The following SORCS1 variants were observed in gnomAD, a reference collection of about 807,000 sequenced individuals.
SORCS1 encodes VPS10 domain-containing receptor SorCS1.
In SORCS1, 60 loss-of-function variants were observed where a neutral mutation model predicts 146.1. That is an observed-to-expected ratio of 0.41 (90% CI 0.33 to 0.51). The LOEUF (loss-of-function observed/expected upper bound fraction) is 0.51. Among genes scored for constraint, SORCS1 ranks in the 20% least tolerant of loss-of-function variants. The probability of loss-of-function intolerance (pLI) is 0.21; values close to 1 mark genes in which losing one functional copy is unlikely to be tolerated. For synonymous variants in SORCS1, 637 were observed against 584.0 expected (o/e 1.09, Z -1.31); for missense variants, 1,352 against 1,487.6 (o/e 0.91, Z 1.50).
intron 1 of SORCS1, among the ~76,000 whole-genome samples, chr10:107,155,562 C>T (rs1969209375): frequency 6.6e-6 from 1 of 152,170 alleles, no homozygotes. Context: ...TGATAAATTT[C>T]TAAACCAGGG....
chr10:107,121,410 T>A (rs900549064), intron 1 of SORCS1, among the ~76,000 whole-genome samples: 4 of 152,168 alleles, frequency 2.6e-5, no homozygotes, highest in Non-Finnish European at 5.9e-5. Context: ...CTGCTCTCAA[T>A]CAAAGACTTG....
chr10:107,109,580 A>G (rs1038909352), intron 1 of SORCS1, among the ~76,000 whole-genome samples: 3 of 152,200 alleles, frequency 2.0e-5, no homozygotes, highest in African/African-American at 7.2e-5. Flanking sequence ...CTTTCCACTT[A>G]GACCTCTGGG....
At chr10:106,953,637 G>T (rs76650964) in intron 2 of SORCS1, among the ~76,000 whole-genome samples, 1 of 152,042 alleles carries the variant, frequency 6.6e-6, no homozygotes. Flanking sequence ...CACAAACCTC[G>T]AAGGTATAGC....
At chr10:106,817,501 A>G (rs1485889819) in intron 3 of SORCS1, among the ~76,000 whole-genome samples, 1 of 152,090 alleles carries the variant, frequency 6.6e-6, no homozygotes, top group Non-Finnish European at 1.5e-5. Flanking sequence ...ATCTTTCCCA[A>G]TATTCACCCA....
At chr10:106,706,256 GAGAA>G (rs1204142827) in intron 8 of SORCS1, among the ~76,000 whole-genome samples, 1 of 143,990 alleles carries the variant, frequency 6.9e-6, no homozygotes, top group East Asian at 2.0e-4. Context: ...GAAAGAAAAA[GAGAA>G]AGAGAAAAAA....
chr10:106,723,011 C>T (rs1318588830), intron 6 of SORCS1, among the ~76,000 whole-genome samples: 1 of 152,096 alleles, frequency 6.6e-6, no homozygotes, highest in African/African-American at 2.4e-5. Context: ...AACAGTGACA[C>T]ATTAATATAT....
intron 1 of SORCS1, among the ~76,000 whole-genome samples, chr10:107,142,609 G>A (rs192152164): frequency 6.6e-6 from 1 of 152,242 alleles, no homozygotes; most frequent in Admixed American, 6.5e-5. Flanking sequence ...ATATTAAAAT[G>A]TCTTAGTATG....
the SORCS1 span, among the ~76,000 whole-genome samples, chr10:107,179,509 G>A: frequency 2.6e-5 from 4 of 152,086 alleles, no homozygotes; most frequent in African/African-American, 9.7e-5. Context: ...TTTTTACTCT[G>A]CATGATTCTA....
chr10:106,705,105 A>G (rs536956785), intron 8 of SORCS1, among the ~76,000 whole-genome samples: 1 of 152,330 alleles, frequency 6.6e-6, no homozygotes, highest in South Asian at 2.1e-4. Context: ...CTGGAGAAAA[A>G]AAAAACAAAC....
At chr10:106,999,744 C>A (rs1227008702) in intron 1 of SORCS1, among the ~76,000 whole-genome samples, 3 of 152,186 alleles carry the variant, frequency 2.0e-5, no homozygotes, top group Non-Finnish European at 2.9e-5. Flanking sequence ...CTCCTTAATT[C>A]AGGTTTTACA....
At chr10:106,828,102 G>A (rs1329182413) in intron 3 of SORCS1, among the ~76,000 whole-genome samples, 1 of 152,178 alleles carries the variant, frequency 6.6e-6, no homozygotes, top group Non-Finnish European at 1.5e-5. Context: ...CACGAGGTAG[G>A]TAGGTACTGT....
intron 18 of SORCS1, among the ~76,000 whole-genome samples, chr10:106,637,978 G>A (rs1282653059): frequency 2.0e-5 from 3 of 152,148 alleles, no homozygotes; most frequent in South Asian, 2.1e-4. Context: ...CATAAGACAG[G>A]AGGAATACTT....
intron 10 of SORCS1, among the ~76,000 whole-genome samples, 198 bp downstream of exon 10, chr10:106,687,994 G>T (rs1852988887): frequency 6.6e-6 from 1 of 152,168 alleles, no homozygotes; most frequent in African/African-American, 2.4e-5. Context: ...CAAGAAATAT[G>T]CCCATGTTCT....
chr10:106,582,706 T>C (rs1274568473), intron 24 of SORCS1, among the ~76,000 whole-genome samples: 1 of 152,080 alleles, frequency 6.6e-6, no homozygotes, highest in Non-Finnish European at 1.5e-5. Context: ...TTTGCCATTA[T>C]TCATGCACAA....
At chr10:106,873,783 G>C (rs921436758) in intron 2 of SORCS1, among the ~76,000 whole-genome samples, 3 of 152,072 alleles carry the variant, frequency 2.0e-5, no homozygotes, top group Non-Finnish European at 4.4e-5. Flanking sequence ...CCTTCACCTC[G>C]AGGCCTTTGT....
At chr10:106,742,379 T>A (rs1857424188) in intron 5 of SORCS1, among the ~76,000 whole-genome samples, 1 of 141,870 alleles carries the variant, frequency 7.0e-6, no homozygotes, top group South Asian at 2.3e-4. Flanking sequence ...AGAAGATAAT[T>A]TTACACAATT....
At chr10:106,766,369 T>C (rs1401879301) in intron 4 of SORCS1, among the ~76,000 whole-genome samples, 1 of 152,222 alleles carries the variant, frequency 6.6e-6, no homozygotes, top group Non-Finnish European at 1.5e-5. Flanking sequence ...TCCTCCATCC[T>C]TTTTTAGCAA....
chr10:106,575,243 C>T lies in SORCS1; in HGVS notation c.*2177G>A, dbSNP rs1844527091. 6.6e-6 allele frequency: 1 copy of T among 152,542 alleles called. No individual in the cohort carries two copies. Among genetic ancestry groups the T allele is most frequent in the East Asian group, 1.9e-4 (1 of 5,198 alleles). 9.4% of individuals were successfully genotyped at this position (152,542 alleles called of 1,614,324 possible). A position where few individuals can be genotyped will look rare whatever the true frequency, so the allele number is the denominator to read the frequency against. On this transcript the variant is annotated 3_prime_UTR_variant, in exon 26 of 26. Transcript: ENST00000263054. The stretch of plus-strand genomic sequence containing the variant: ...TTGAGTTCTACAAATAGGTGACTGC[C>T]TCAGGCCTAGCCCATTTCCCAGATT...
intron 8 of SORCS1, among the ~76,000 whole-genome samples, chr10:106,705,307 T>C (rs963647556): frequency 2.6e-5 from 4 of 152,174 alleles, no homozygotes; most frequent in South Asian, 4.1e-4. Flanking sequence ...GAGGCTTACA[T>C]CCCACCTTTC....
Sources: allele counts gnomAD v4.1 joint callset (sites outside exome capture counted in the v4.1 genomes callset), GRCh38; gene constraint gnomAD v4.1.1; transcripts MANE v1.5; gene names NCBI Gene and HGNC (gene_info 2026-07-23, HGNC 2026-07-21).